UBE2G1: variants seen among roughly 807,000 people sequenced by gnomAD.
UBE2G1 encodes the protein ubiquitin conjugating enzyme E2 G1.
In UBE2G1, 5 loss-of-function variants were observed where a neutral mutation model predicts 22.7. That is an observed-to-expected ratio of 0.22 (90% CI 0.12 to 0.46). The LOEUF is 0.46. UBE2G1 is among the 20% of genes least tolerant of loss of function. UBE2G1 has a pLI of 0.99. For missense variants in UBE2G1, 88 were observed against 203.9 expected, an observed-to-expected ratio of 0.43 and a Z score of 3.46; for synonymous variants, 74 against 67.5, an observed-to-expected ratio of 1.10 and a Z score of -0.47.
At chr17:4,310,837 A>T (rs900397555) in intron 1 of UBE2G1, among the ~76,000 whole-genome samples, 1 of 152,222 alleles carries the variant, frequency 6.6e-6, no homozygotes, top group East Asian at 1.9e-4. Flanking sequence ...CGAAACAATG[A>T]AGAAAACAAG....
chr17:4,326,870 A>C (rs1969508819), intron 1 of UBE2G1, among the ~76,000 whole-genome samples: 1 of 152,260 alleles, frequency 6.6e-6, no homozygotes, highest in Non-Finnish European at 1.5e-5. Context: ...ACTTACATGA[A>C]AATACCTTGC....
intron 1 of UBE2G1, among the ~76,000 whole-genome samples, chr17:4,333,654 T>C (rs1222786175): frequency 4.6e-5 from 7 of 152,010 alleles, no homozygotes; most frequent in African/African-American, 1.7e-4. Context: ...ACCCCGTCTC[T>C]ACTAAAAATA....
intron 1 of UBE2G1, among the ~76,000 whole-genome samples, chr17:4,327,023 C>T (rs1211762973): frequency 2.0e-5 from 3 of 152,046 alleles, no homozygotes; most frequent in South Asian, 4.2e-4. Context: ...TGGCCAGGCA[C>T]GGTGGCTCAC....
At chr17:4,278,555 A>G (rs957392603) in intron 5 of UBE2G1, among the ~76,000 whole-genome samples, 1 of 150,234 alleles carries the variant, frequency 6.7e-6, no homozygotes, top group African/African-American at 2.4e-5. Context: ...ACAAGCTAGC[A>G]TACTATACTC....
Position 4,271,809 on chromosome 17 carries a change from G to A in UBE2G1, c.*745C>T, listed in dbSNP as rs1338347833. On this transcript the variant is annotated 3_prime_UTR_variant, in exon 6 of 6. Coordinates refer to ENST00000396981, the MANE Select transcript of UBE2G1 (RefSeq NM_003342.5). ...ATGACTGGGATCAAGAGCTCACAAC[G>A]GCCAATAAATGTTATTGCTATATCC... 3 of 151,202 alleles carry A rather than the reference G, an allele frequency of 2.0e-5. No homozygotes were observed. Among genetic ancestry groups the A allele is most frequent in the East Asian group, 1.9e-4 (1 of 5,180 alleles). The allele number at this position is 151,202 out of a possible 1,614,324, so 9.4% of individuals were successfully genotyped here. A position where few individuals can be genotyped will look rare whatever the true frequency, so the allele number is the denominator to read the frequency against.
At chr17:4,365,233 T>C (rs1046058051) in intron 1 of UBE2G1, among the ~76,000 whole-genome samples, 4 of 152,300 alleles carry the variant, frequency 2.6e-5, no homozygotes, top group East Asian at 3.9e-4. Flanking sequence ...ACGCCGGGTG[T>C]TGTACAGCAG....
intron 1 of UBE2G1, among the ~76,000 whole-genome samples, chr17:4,359,820 C>A (rs1019703277): frequency 6.7e-5 from 10 of 150,124 alleles, no homozygotes; most frequent in African/African-American, 2.2e-4. Context: ...CCACTATACT[C>A]CAGCCTGGGC....
chr17:4,366,392 G>T lies in UBE2G1; in HGVS notation c.-76C>A. The stretch of plus-strand genomic sequence containing the variant: ...ACAGGCTCTGGGGGCGGCTGGAGCG[G>T]GGTGTGCCGAGGAACCCGGGCCCCG... On this transcript the variant is annotated 5_prime_UTR_variant, in exon 1 of 6. Transcript: ENST00000396981. 7.3e-7 allele frequency: 1 copy of T among 1,368,802 alleles called. No homozygotes were observed. The highest frequency in any genetic ancestry group is 2.9e-5 in the East Asian group (1 of 34,938). The allele number at this position is 1,368,802 out of a possible 1,614,324, so 84.8% of individuals were successfully genotyped here. A position where few individuals can be genotyped will look rare whatever the true frequency, so the allele number is the denominator to read the frequency against.
chr17:4,298,933 GAA>G (rs1969142053), intron 2 of UBE2G1, among the ~76,000 whole-genome samples: 1 of 152,226 alleles, frequency 6.6e-6, no homozygotes, highest in Non-Finnish European at 1.5e-5. Context: ...TAGCTGTTGT[GAA>G]GAGTGCATTA....
rs1025189272 is a variant in UBE2G1, at chr17:4,271,697, G to GT, written c.*856_*857insA. On this transcript the variant is annotated 3_prime_UTR_variant, in exon 6 of 6. Transcript: ENST00000396981. The stretch of plus-strand genomic sequence containing the variant: ...TATCCAACCTTAATACCAGGCAACT[G>GT]AAGAGGGAAAAGTCAGATTTGCTAT... 2 of 149,356 alleles carry GT rather than the reference G, an allele frequency of 1.3e-5. No homozygotes were observed. Among genetic ancestry groups the GT allele is most frequent in the African/African-American group, 5.0e-5 (2 of 40,286 alleles). 9.3% of individuals were successfully genotyped at this position (149,356 alleles called of 1,614,324 possible).
At chr17:4,341,916 C>T (rs1262772855) in intron 1 of UBE2G1, among the ~76,000 whole-genome samples, 1 of 152,192 alleles carries the variant, frequency 6.6e-6, no homozygotes, top group Non-Finnish European at 1.5e-5. Flanking sequence ...ACTGACGCCG[C>T]TCACACTCCT....
At chr17:4,288,179 T>C (rs1421345467) in intron 4 of UBE2G1, among the ~76,000 whole-genome samples, 2 of 152,192 alleles carry the variant, frequency 1.3e-5, no homozygotes, top group Non-Finnish European at 1.5e-5. Flanking sequence ...TACATTTTTT[T>C]CTATAGATGT....
At chr17:4,301,153 G>T (rs893137177) in intron 2 of UBE2G1, among the ~76,000 whole-genome samples, 1 of 152,096 alleles carries the variant, frequency 6.6e-6, no homozygotes, top group Non-Finnish European at 1.5e-5. Flanking sequence ...GCTCAACATT[G>T]TTCTATTAAT....
intron 1 of UBE2G1, among the ~76,000 whole-genome samples, chr17:4,307,425 C>T (rs1358682957): frequency 1.3e-5 from 2 of 152,096 alleles, no homozygotes; most frequent in African/African-American, 2.4e-5. Context: ...ATATCCAGGC[C>T]CGTCCCCCAG....
intron 3 of UBE2G1, among the ~76,000 whole-genome samples, chr17:4,292,174 G>C (rs1374962648): frequency 1.3e-5 from 2 of 151,522 alleles, no homozygotes; most frequent in Non-Finnish European, 2.9e-5. Context: ...AAAAATACAA[G>C]AATTAGCCGG....
chr17:4,366,328 A>AGGGCCCGGGCTGGCGCCG lies in UBE2G1; in HGVS notation c.-30_-13dup. ...TGCAGCTCCGTCATCCTCCCTGCCG[A>AGGGCCCGGGCTGGCGCCG]GGGCCCGGGCTGGCGCCGGGGCTTC... On this transcript the variant is annotated 5_prime_UTR_variant, in exon 1 of 6. Transcript: ENST00000396981. 6.5e-7 allele frequency: 1 copy of AGGGCCCGGGCTGGCGCCG among 1,540,362 alleles called. No individual in the cohort carries two copies. The highest frequency in any genetic ancestry group is 8.7e-7 in the Non-Finnish European group (1 of 1,152,674).
At chr17:4,282,360 G>A (rs537139586) in intron 5 of UBE2G1, among the ~76,000 whole-genome samples, 21 of 152,292 alleles carry the variant, frequency 1.4e-4, no homozygotes, top group African/African-American at 4.8e-4. Flanking sequence ...TGGGATTACA[G>A]GCATGAGCCA....
intron 1 of UBE2G1, among the ~76,000 whole-genome samples, chr17:4,349,936 G>T (rs1421929837): frequency 6.6e-6 from 1 of 151,896 alleles, no homozygotes; most frequent in Admixed American, 6.6e-5. Context: ...AGTTTCAAAG[G>T]CCTGTTACTT....
chr17:4,291,702 G>T (rs917581481), intron 3 of UBE2G1, among the ~76,000 whole-genome samples: 2 of 152,116 alleles, frequency 1.3e-5, no homozygotes, highest in African/African-American at 4.8e-5. Context: ...TTAAAGGATT[G>T]TATCAATTTA....
Sources: gnomAD v4.1 joint callset for allele counts (sites outside exome capture counted in the v4.1 genomes callset) on GRCh38, gnomAD v4.1.1 for gene constraint, MANE v1.5 for transcripts, NCBI Gene and HGNC (gene_info 2026-07-23, HGNC 2026-07-21) for gene names.